The following RRBP1 variants were observed in gnomAD, a reference collection of about 807,000 sequenced individuals.
RRBP1 encodes the protein ribosome-binding protein 1.
Under a neutral mutation model 165.2 loss-of-function variants are expected in RRBP1, and 94 were observed. The observed-to-expected ratio is 0.57, with a 90% confidence interval of 0.48 to 0.68. The LOEUF (loss-of-function observed/expected upper bound fraction) is 0.68. Among genes scored for constraint, RRBP1 ranks in the 30% least tolerant of loss-of-function variants. The pLI, the probability that RRBP1 is intolerant of heterozygous loss-of-function variation, is 0.00. For synonymous variants in RRBP1, 680 were observed against 714.5 expected (o/e 0.95, Z 0.77); for missense variants, 1,676 against 1,763.0 (o/e 0.95, Z 0.88).
At chr20:17,614,290 C>T in intron 24 of RRBP1, 70 bp from the exon 25 acceptor site, 3 of 1,491,360 alleles carry the variant, frequency 2.0e-6, no homozygotes, top group Non-Finnish European at 2.8e-6. Context: ...TGCCCTCTAC[C>T]CTGGGCCTTT....
At chr20:17,616,518 C>T (rs10222001) in intron 21 of RRBP1, among the ~76,000 whole-genome samples, 2 of 152,192 alleles carry the variant, frequency 1.3e-5, no homozygotes, top group African/African-American at 4.8e-5. Context: ...CCACCTCCCC[C>T]CAACTCCTCC....
At chr20:17,616,605 G>A (rs1600722605) in intron 21 of RRBP1, 127 bp downstream of exon 21, 1 of 644,354 alleles carries the variant, frequency 1.6e-6, no homozygotes. Context: ...ATGGGGCAAA[G>A]CAGGGTGGGG....
At chr20:17,614,371 G>T in intron 24 of RRBP1, 151 bp from the exon 25 acceptor site, 1 of 740,264 alleles carries the variant, frequency 1.4e-6, no homozygotes, top group Non-Finnish European at 2.2e-6. Context: ...GACCCCTGGG[G>T]CTGGGGGACA....
intron 11 of RRBP1, among the ~76,000 whole-genome samples, chr20:17,626,209 A>G (rs1199343056): frequency 1.3e-5 from 2 of 152,238 alleles, no homozygotes; most frequent in African/African-American, 2.4e-5. Flanking sequence ...ATGCAAGAAA[A>G]TTCAGATTAA....
At chr20:17,639,544 ACT>A (rs2036309443) in intron 5 of RRBP1, among the ~76,000 whole-genome samples, 1 of 152,218 alleles carries the variant, frequency 6.6e-6, no homozygotes, top group South Asian at 2.1e-4. Flanking sequence ...TCTGGAATTT[ACT>A]GTCTCACAAC....
At chr20:17,676,240 G>A (rs1370945197) in intron 2 of RRBP1, among the ~76,000 whole-genome samples, 1 of 152,152 alleles carries the variant, frequency 6.6e-6, no homozygotes, top group Non-Finnish European at 1.5e-5. Context: ...GAGCTGTTTG[G>A]ACCAGGGAGA....
intron 3 of RRBP1, among the ~76,000 whole-genome samples, chr20:17,653,173 C>T (rs1246890751): frequency 2.0e-5 from 3 of 152,116 alleles, no homozygotes; most frequent in African/African-American, 7.2e-5. Context: ...CAGCTACATG[C>T]CCACCGTGCC....
chr20:17,621,969 G>A, intron 13 of RRBP1, 22 bp from the exon 14 acceptor site: 1 of 1,593,030 alleles, frequency 6.3e-7, no homozygotes, highest in African/African-American at 1.3e-5. Context: ...GTGGGGAAGA[G>A]CGGAAGGTGT....
intron 23 of RRBP1, among the ~76,000 whole-genome samples, chr20:17,615,119 C>T (rs181373104): frequency 2.0e-4 from 31 of 152,354 alleles, no homozygotes; most frequent in South Asian, 4.1e-4. Flanking sequence ...CAGTTTACTC[C>T]GCACTGTCCA....
At position 17,614,861 on chromosome 20, in the gene RRBP1, T is replaced by G; in HGVS notation, c.4070A>C (p.Lys1357Thr). The G allele has an allele frequency of 6.2e-7, 1 of 1,613,642 alleles. No homozygotes were observed. The highest frequency in any genetic ancestry group is 8.5e-7 in the Non-Finnish European group (1 of 1,180,008). ...SQLKERLEKEKKLTSDLGRAA... is the reference protein window; with the variant it reads ...SQLKERLEKETKLTSDLGRAA... Reference sequence around the variant, plus strand: ...GCGCCCCAGGTCACTTGTTAACTTCTTCTCTTTTTCTAGTCTCTCCTGATG... The same window carrying G: ...GCGCCCCAGGTCACTTGTTAACTTCGTCTCTTTTTCTAGTCTCTCCTGATG... The change falls in exon 24 of 25, where the codon AAG becomes ACG. Residue 1357 changes from lysine to threonine, a missense_variant. Around this residue, in one of 5 missense-constraint regions of RRBP1, gnomAD observed 1,184 missense variants for 1,167.1 expected, o/e 1.01. Transcript: ENST00000377813.
chr20:17,662,239 G>A (rs989791518), intron 2 of RRBP1, among the ~76,000 whole-genome samples: 1 of 151,708 alleles, frequency 6.6e-6, no homozygotes, highest in Admixed American at 6.6e-5. Context: ...CTCTAGCCTG[G>A]GCGACAGAGC....
chr20:17,641,723 T>G, intron 5 of RRBP1, 74 bp downstream of exon 5: 1 of 1,567,842 alleles, frequency 6.4e-7, no homozygotes, highest in South Asian at 1.1e-5. Context: ...GAGCCCGGGA[T>G]CCACCGTGGA....
At chr20:17,618,974 G>C (rs1301651606) in intron 19 of RRBP1, 2 of 396,666 alleles carry the variant, frequency 5.0e-6, no homozygotes, top group Admixed American at 7.2e-5. Context: ...TTTTTTTTCA[G>C]AGATGGTCTC....
intron 9 of RRBP1, among the ~76,000 whole-genome samples, chr20:17,628,365 G>A (rs938732320): frequency 9.9e-5 from 15 of 152,090 alleles, no homozygotes; most frequent in Non-Finnish European, 2.1e-4. Context: ...CGAAGCCTAC[G>A]AGCCCACACC....
chr20:17,640,485 T>C (rs939786331), intron 5 of RRBP1, among the ~76,000 whole-genome samples: 1 of 151,992 alleles, frequency 6.6e-6, no homozygotes, highest in South Asian at 2.1e-4. Context: ...GGTCTGAAGA[T>C]TAGGGGCCCC....
At chr20:17,635,092 A>C (rs576471325) in intron 7 of RRBP1, among the ~76,000 whole-genome samples, 7 of 152,242 alleles carry the variant, frequency 4.6e-5, no homozygotes, top group African/African-American at 1.7e-4. Flanking sequence ...GGGTTTCTCG[A>C]GGGCTGCCAC....
At chr20:17,675,544 G>A (rs1474979374) in intron 2 of RRBP1, among the ~76,000 whole-genome samples, 1 of 144,118 alleles carries the variant, frequency 6.9e-6, no homozygotes, top group Non-Finnish European at 1.5e-5. Context: ...GAGAAGGGGG[G>A]CAGGGAGTGG....
intron 3 of RRBP1, among the ~76,000 whole-genome samples, chr20:17,648,115 G>T (rs1401258917): frequency 6.6e-6 from 1 of 152,154 alleles, no homozygotes; most frequent in African/African-American, 2.4e-5. Flanking sequence ...GGGCATCTCT[G>T]TCTCTCTCAA....
At chr20:17,620,010 A>G (rs2035878454) in intron 18 of RRBP1, among the ~76,000 whole-genome samples, 1 of 152,112 alleles carries the variant, frequency 6.6e-6, no homozygotes, top group Admixed American at 6.5e-5. Flanking sequence ...TGGCGTCTGA[A>G]GGGGGCAGTG....
Sources: gnomAD v4.1 joint callset for allele counts (sites outside exome capture counted in the v4.1 genomes callset) on GRCh38, gnomAD v4.1.1 for gene constraint, gnomAD v4.1.1 regional missense constraint, MANE v1.5 for transcripts, NCBI Gene and HGNC (gene_info 2026-07-23, HGNC 2026-07-21) for gene names.